CA5B: variants seen among roughly 807,000 people sequenced by gnomAD.
The protein encoded by CA5B is carbonic anhydrase 5B.
Under a neutral mutation model 23.1 loss-of-function variants are expected in CA5B, and 15 were observed. The ratio of observed to expected loss-of-function variants is 0.65; its 90% CI spans 0.43 to 1.00. The LOEUF (loss-of-function observed/expected upper bound fraction) is 1.00. Ranked by LOEUF, CA5B falls within the 50% of genes least tolerant of loss-of-function variation. The probability of loss-of-function intolerance (pLI) is 0.00; values close to 1 mark genes in which losing one functional copy is unlikely to be tolerated. For missense variants in CA5B, 236 were observed against 252.2 expected (o/e 0.94, Z 0.43); for synonymous variants, 84 against 98.5 (o/e 0.85, Z 0.87).
At chrX:15,745,168 C>CAAAAA (rs371053756) in intron 1 of CA5B, among the ~76,000 whole-genome samples, 18 of 33,710 alleles carry the variant, frequency 5.3e-4, no homozygotes, top group East Asian at 8.7e-4. Context: ...GACTCTGTCT[C>CAAAAA]AAAAAAAAAA....
chrX:15,750,099 C>A lies in CA5B; in HGVS notation c.76C>A (p.Pro26Thr), dbSNP rs1379128748. ...ATTGCTGTGGAGAAAGTTCCAGATT[C>A]CGAGATTCATGCCAGCGAGGCCCTG... ...GKLLWRKFQI[P>T]RFMPARPCSL... is the part of the protein sequence containing the mutation. Residue 26 changes from proline (P) to threonine (T), a missense_variant, in exon 2 of 8, where the codon CCG becomes ACG. This residue lies in a region of CA5B where 54 missense variants were observed against 46.6 expected (regional missense o/e 1.16). Coordinates refer to ENST00000318636, the MANE Select transcript of CA5B (RefSeq NM_007220.4). 5.8e-6 allele frequency: 7 copies of A among 1,210,137 alleles called. No homozygotes were observed. The highest frequency in any genetic ancestry group is 3.5e-5 in the African/African-American group (2 of 57,235).
chrX:15,782,379 C>A, intron 7 of CA5B, 106 bp from the exon 8 acceptor site: 1 of 770,623 alleles, frequency 1.3e-6, no homozygotes, highest in Non-Finnish European at 1.9e-6. Context: ...CCTTCTGTAT[C>A]TAATTTGCAA....
chrX:15,739,792 TGA>T (rs1303845914), intron 1 of CA5B, among the ~76,000 whole-genome samples: 1 of 111,711 alleles, frequency 9.0e-6, no homozygotes, highest in African/African-American at 3.3e-5. Flanking sequence ...AAGAAGTGGG[TGA>T]GAGGGGGAAG....
rs1395304780 is a variant in CA5B at position 15,750,136 on chromosome X, C to T, written c.113C>T (p.Thr38Ile). ...CCAGCGAGGCCCTGCAGCCTCTATA[C>T]TTGTACTTACAAAACCCGGAACCGA... ...FMPARPCSLY[T>I]CTYKTRNRAL... The change falls in exon 2 of 8, where the codon ACT (threonine) becomes ATT (isoleucine). Residue 38 changes from threonine (T) to isoleucine (I), a missense_variant. Thr to Ile is a moderately conservative substitution (Grantham distance 89). This residue lies in a region of CA5B where 54 missense variants were observed against 46.6 expected (regional missense o/e 1.16). Transcript: ENST00000318636. The T allele has an allele frequency of 2.5e-6, 3 of 1,210,904 alleles. No homozygotes were observed. Among genetic ancestry groups the T allele is most frequent in the Admixed American group, 2.2e-5 (1 of 45,915 alleles).
intron 4 of CA5B, among the ~76,000 whole-genome samples, chrX:15,772,890 A>G (rs139672607): frequency 0.017 from 1,918 of 112,256 alleles, 41 homozygotes; most frequent in African/African-American, 0.057. Flanking sequence ...CCCAGGGAAC[A>G]TTGTGGAGCC....
At chrX:15,775,564 C>T in intron 6 of CA5B, 1 of 865,456 alleles carries the variant, frequency 1.2e-6, no homozygotes, top group Non-Finnish European at 1.4e-6. Context: ...TCCTCTGTTC[C>T]TGACACCGGC....
At chrX:15,753,947 T>C (rs1053526939) in intron 2 of CA5B, among the ~76,000 whole-genome samples, 4 of 112,393 alleles carry the variant, frequency 3.6e-5, no homozygotes, top group African/African-American at 1.3e-4. Flanking sequence ...TAAAATACTT[T>C]GATTTCTTTC....
chrX:15,766,287 A>G (rs1931708526), intron 3 of CA5B, among the ~76,000 whole-genome samples: 1 of 110,763 alleles, frequency 9.0e-6, no homozygotes, highest in Admixed American at 9.7e-5. Flanking sequence ...ACTCTGGCCT[A>G]ACTACAAACA....
chrX:15,769,169 C>G (rs1049882911), intron 3 of CA5B, among the ~76,000 whole-genome samples: 43 of 111,382 alleles, frequency 3.9e-4, no homozygotes, highest in Non-Finnish European at 9.4e-5. Flanking sequence ...GGAAGATCAA[C>G]AAAGTTCACA....
intron 1 of CA5B, among the ~76,000 whole-genome samples, chrX:15,745,362 G>A (rs1409677538): frequency 9.0e-6 from 1 of 111,014 alleles, no homozygotes; most frequent in Admixed American, 9.6e-5. Flanking sequence ...TAGAGGAGGA[G>A]TTATTGTTTA....
At position 15,775,099 on chromosome X, in the gene CA5B, T is replaced by G. The variant is rs1931896646; in HGVS notation, c.556-147T>G. The G allele has an allele frequency of 7.9e-6, 3 of 377,575 alleles. No homozygotes were observed. The South Asian group carries it at 2.2e-4, about 27-fold the overall frequency. The allele number at this position is 377,575 out of a possible 1,213,427, so 31.1% of individuals were successfully genotyped here. On this transcript the variant is annotated intron_variant, in intron 5 of 7. Coordinates refer to ENST00000318636, the MANE Select transcript of CA5B (RefSeq NM_007220.4). ...ATTTAATTCAGTAATGTTTATAAAA[T>G]TATAAATTACAAGTTTAAGTGTAAT...
At chrX:15,741,211 G>T (rs1398792690) in intron 1 of CA5B, among the ~76,000 whole-genome samples, 1 of 104,736 alleles carries the variant, frequency 9.5e-6, no homozygotes, top group Non-Finnish European at 2.0e-5. Flanking sequence ...GGGCTTATAG[G>T]CTTGCACCAC....
At chrX:15,782,044 G>A in intron 7 of CA5B, among the ~76,000 whole-genome samples, 1 of 112,439 alleles carries the variant, frequency 8.9e-6, no homozygotes. Context: ...TCATGATTCA[G>A]TTAAATTGTT....
intron 1 of CA5B, among the ~76,000 whole-genome samples, chrX:15,746,375 A>G (rs1210075868): frequency 2.7e-5 from 3 of 110,556 alleles, no homozygotes; most frequent in African/African-American, 9.9e-5. Flanking sequence ...CTGAGCAACT[A>G]TTTTTCCTGC....
intron 3 of CA5B, chrX:15,766,891 T>C (rs1315275005): frequency 6.1e-6 from 2 of 329,321 alleles, no homozygotes; most frequent in South Asian, 5.3e-5. Flanking sequence ...TGCATCTTTC[T>C]TAATTTCCCC....
chrX:15,782,202 G>A (rs778011916), intron 7 of CA5B, among the ~76,000 whole-genome samples: 2 of 112,000 alleles, frequency 1.8e-5, no homozygotes, highest in Non-Finnish European at 3.8e-5. Flanking sequence ...TGGATAATAT[G>A]TGGGGACAGG....
intron 1 of CA5B, among the ~76,000 whole-genome samples, chrX:15,740,984 C>T (rs975582424): frequency 2.7e-5 from 3 of 111,277 alleles, no homozygotes; most frequent in African/African-American, 3.3e-5. Flanking sequence ...ATCACTTGAG[C>T]GTGGGAGGCG....
At chrX:15,738,785 G>A (rs190841179) in intron 1 of CA5B, among the ~76,000 whole-genome samples, 3 of 110,820 alleles carry the variant, frequency 2.7e-5, no homozygotes, top group Admixed American at 9.6e-5. Context: ...CTGAGGTTGC[G>A]GTTCCAGAAA....
chrX:15,742,210 T>G (rs1214159831), intron 1 of CA5B, among the ~76,000 whole-genome samples: 1 of 112,622 alleles, frequency 8.9e-6, no homozygotes, highest in Non-Finnish European at 1.9e-5. Flanking sequence ...CAACCACTTC[T>G]TACCACCTCC....
Sources: allele counts gnomAD v4.1 joint callset (sites outside exome capture counted in the v4.1 genomes callset), GRCh38; gene constraint gnomAD v4.1.1; regional missense constraint gnomAD v4.1.1; transcripts MANE v1.5; gene names NCBI Gene and HGNC (gene_info 2026-07-23, HGNC 2026-07-21).